Variants in CADM1 observed in about 807,000 individuals in gnomAD.
CADM1 encodes cell adhesion molecule 1.
A neutral mutation model predicts 53.1 loss-of-function variants in CADM1; 15 were observed. That is an observed-to-expected ratio of 0.28 (90% CI 0.19 to 0.44). CADM1 has a LOEUF of 0.44. Among genes scored for constraint, CADM1 ranks in the 20% least tolerant of loss-of-function variants. CADM1 has a pLI of 1.00. For synonymous variants in CADM1, 281 were observed against 243.0 expected (o/e 1.16, Z -1.45); for missense variants, 434 against 611.3 (o/e 0.71, Z 3.06).
chr11:115,408,799 T>A (rs1004796960), intron 1 of CADM1, among the ~76,000 whole-genome samples: 1 of 152,174 alleles, frequency 6.6e-6, no homozygotes, highest in African/African-American at 2.4e-5. Context: ...GGGGGAGATG[T>A]TGGCCAGAAA....
chr11:115,181,186 G>C lies in CADM1; in HGVS notation c.1166-2411C>G, dbSNP rs530451028. ...CTGAGGGGGGAGGGGGGAGGGGAGAGACAGAGAGAGGCTCTGTGACAAAGA... is the reference window on the plus strand; with the variant it reads ...CTGAGGGGGGAGGGGGGAGGGGAGACACAGAGAGAGGCTCTGTGACAAAGA... On this transcript the variant is annotated intron_variant, in intron 10 of 11. Transcript: ENST00000331581. Among the ~76,000 whole-genome samples the C allele has an allele frequency of 3.7e-3, 555 of 151,316 alleles. 3 individuals are homozygous for C. Among genetic ancestry groups the C allele is most frequent in the African/African-American group, 0.013 (521 of 41,182 alleles).
intron 1 of CADM1, among the ~76,000 whole-genome samples, chr11:115,300,154 A>G (rs1944181511): frequency 6.6e-6 from 1 of 152,136 alleles, no homozygotes; most frequent in African/African-American, 2.4e-5. Context: ...AAACATAGAT[A>G]CATACAACTC....
At chr11:115,405,257 T>G (rs932734771) in intron 1 of CADM1, among the ~76,000 whole-genome samples, 20 of 152,168 alleles carry the variant, frequency 1.3e-4, no homozygotes, top group African/African-American at 4.8e-4. Flanking sequence ...CCAGCAGAAA[T>G]GCAGATTAAA....
At position 115,504,309 on chromosome 11, in the gene CADM1, A is replaced by AGAAGCC. The variant is rs1259094769; in HGVS notation, c.80_85dup (p.Arg27_Leu28dup). The AGAAGCC allele has an allele frequency of 1.2e-5, 19 of 1,561,312 alleles. No individual in the cohort carries two copies. In the Admixed American group the frequency reaches 1.3e-4, roughly 11 times the overall value. On this transcript the variant is annotated inframe_insertion, in exon 1 of 12. Transcript: ENST00000331581. ...TGCCGCGGCGGAGAAGAGCAACAGC[A>AGAAGCC]GAAGCCGGAGCCGGAGCCCGGGAGG...
chr11:115,199,101 TACACACACAC>T, intron 8 of CADM1, among the ~76,000 whole-genome samples: 1 of 151,866 alleles, frequency 6.6e-6, no homozygotes. Context: ...TTAGTTTCTA[TACACACACAC>T]ACACAAACAC....
In CADM1 at chr11:115,240,413, C is replaced by T; in HGVS notation, c.132G>A (p.Gly44=). The T allele has an allele frequency of 4.3e-6, 7 of 1,613,474 alleles. No homozygotes were observed. Among genetic ancestry groups the T allele is most frequent in the Non-Finnish European group, 5.9e-6 (7 of 1,179,736 alleles). ...TCACGTCTTTCGTAAACAGATTCTG[C>T]CCATCACCTTAAAAAAAGGGAAGAA... The part of the protein sequence containing the change: ...SAAALIPTGD[G]QNLFTKDVTV... Residue 44 remains glycine (G), a synonymous_variant, in exon 2 of 12, where the codon GGG becomes GGA. Coordinates refer to ENST00000331581, the MANE Select transcript of CADM1 (RefSeq NM_001301043.2).
At chr11:115,363,961 T>C (rs1946093367) in intron 1 of CADM1, among the ~76,000 whole-genome samples, 1 of 152,116 alleles carries the variant, frequency 6.6e-6, no homozygotes, top group South Asian at 2.1e-4. Context: ...TACAGGTCTG[T>C]AGCCTAGGAG....
At chr11:115,310,239 A>T (rs1944496060) in intron 1 of CADM1, among the ~76,000 whole-genome samples, 1 of 152,178 alleles carries the variant, frequency 6.6e-6, no homozygotes, top group Non-Finnish European at 1.5e-5. Flanking sequence ...GAAATGTCCA[A>T]TTTATCTGGA....
At chr11:115,264,914 C>G (rs1224405114) in intron 1 of CADM1, among the ~76,000 whole-genome samples, 1 of 152,156 alleles carries the variant, frequency 6.6e-6, no homozygotes, top group South Asian at 2.1e-4. Context: ...AGTCTACTGC[C>G]TGACCCCATT....
chr11:115,233,480 A>G (rs1371183701), intron 3 of CADM1, among the ~76,000 whole-genome samples: 3 of 152,336 alleles, frequency 2.0e-5, no homozygotes, highest in East Asian at 3.9e-4. Context: ...TTCATCATAC[A>G]TACCTAGATG....
intron 1 of CADM1, among the ~76,000 whole-genome samples, chr11:115,338,892 ATTTTTTT>A (rs10577568): frequency 1.5e-5 from 2 of 132,742 alleles, no homozygotes; most frequent in Non-Finnish European, 3.2e-5. Context: ...TTTTTTTTTA[ATTTTTTT>A]TTTTTTTTAT....
At chr11:115,353,481 TG>T in intron 1 of CADM1, among the ~76,000 whole-genome samples, 1 of 152,214 alleles carries the variant, frequency 6.6e-6, no homozygotes. Context: ...CATAACATTT[TG>T]TTAAAGCTTT....
chr11:115,378,991 TAA>T (rs796066315), intron 1 of CADM1, among the ~76,000 whole-genome samples: 2 of 152,216 alleles, frequency 1.3e-5, no homozygotes, highest in Non-Finnish European at 2.9e-5. Context: ...TTTAGTAATT[TAA>T]AGAGGTTCCC....
At chr11:115,195,981 G>T (rs978690622) in intron 9 of CADM1, among the ~76,000 whole-genome samples, 1 of 152,156 alleles carries the variant, frequency 6.6e-6, no homozygotes, top group Non-Finnish European at 1.5e-5. Flanking sequence ...CTGCCATTAA[G>T]AAGTCAAATT....
At chr11:115,231,274 G>C in intron 4 of CADM1, 79 bp downstream of exon 4, 1 of 1,475,072 alleles carries the variant, frequency 6.8e-7, no homozygotes, top group Non-Finnish European at 9.5e-7. Flanking sequence ...GGCATGTTTT[G>C]TATTTCTCCA....
intron 8 of CADM1, among the ~76,000 whole-genome samples, chr11:115,202,721 T>C (rs1023640595): frequency 2.4e-4 from 37 of 152,324 alleles, no homozygotes; most frequent in Non-Finnish European, 3.2e-4. Flanking sequence ...GTTTTCTTAA[T>C]TGAATTCCCC....
At chr11:115,219,995 T>A (rs7479259) in intron 5 of CADM1, among the ~76,000 whole-genome samples, 52,607 of 151,904 alleles carry the variant, frequency 0.35, 11,028 homozygotes, top group Non-Finnish European at 0.47. Context: ...ATGAACCTTC[T>A]GGGTGAGGCT....
intron 1 of CADM1, among the ~76,000 whole-genome samples, chr11:115,478,194 A>C (rs1412019632): frequency 2.0e-5 from 3 of 152,172 alleles, no homozygotes; most frequent in African/African-American, 7.2e-5. Flanking sequence ...GAGATCATAT[A>C]ATTTTAAAAT....
intron 1 of CADM1, among the ~76,000 whole-genome samples, chr11:115,410,313 G>A (rs1045265668): frequency 6.6e-6 from 1 of 152,148 alleles, no homozygotes; most frequent in African/African-American, 2.4e-5. Flanking sequence ...AGGACACATC[G>A]GAAAATTAAC....
Sources: gnomAD v4.1 joint callset for allele counts (sites outside exome capture counted in the v4.1 genomes callset) on GRCh38, gnomAD v4.1.1 for gene constraint, MANE v1.5 for transcripts, NCBI Gene and HGNC (gene_info 2026-07-23, HGNC 2026-07-21) for gene names.